ST8SIA6: variants seen among roughly 807,000 people sequenced by gnomAD.
The protein encoded by ST8SIA6 is ST8 alpha-N-acetyl-neuraminide alpha-2,8-sialyltransferase 6.
A neutral mutation model predicts 33.6 loss-of-function variants in ST8SIA6; 39 were observed. The observed-to-expected ratio is 1.16, with a 90% confidence interval of 0.90 to 1.52. The LOEUF (loss-of-function observed/expected upper bound fraction) is 1.52. ST8SIA6 is among the 40% of genes most tolerant of loss of function. The pLI is 0.00. For synonymous variants in ST8SIA6, 172 were observed against 167.2 expected (o/e 1.03, Z -0.22); for missense variants, 441 against 443.8 (o/e 0.99, Z 0.06).
chr10:17,431,040 A>G (rs760968014), intron 2 of ST8SIA6, among the ~76,000 whole-genome samples: 2 of 152,184 alleles, frequency 1.3e-5, no homozygotes, highest in Non-Finnish European at 2.9e-5. Context: ...TGAGCATGTG[A>G]CACTTATGGC....
In ST8SIA6 at chr10:17,367,111, T is replaced by A. The variant is rs118096462; in HGVS notation, c.291-7511A>T. Among the ~76,000 whole-genome samples, 103 of 152,298 alleles carry A rather than the reference T, an allele frequency of 6.8e-4. No individual in the cohort carries two copies. In the East Asian group the frequency reaches 0.011, roughly 16 times the overall value. ...AATCAAGCAGTAGCTCACAGCAAAATACAAAACAGAATTTTCAGTATCTTG... is the reference window on the plus strand; with the variant it reads ...AATCAAGCAGTAGCTCACAGCAAAAAACAAAACAGAATTTTCAGTATCTTG... On this transcript the variant is annotated intron_variant, in intron 3 of 7. Transcript: ENST00000377602.
intron 4 of ST8SIA6, among the ~76,000 whole-genome samples, chr10:17,337,289 A>G (rs530200966): frequency 6.6e-6 from 1 of 152,198 alleles, no homozygotes; most frequent in East Asian, 1.9e-4. Context: ...TTTCCTTATA[A>G]ATTACCCCAT....
At chr10:17,390,135 A>C (rs1167701754) in intron 3 of ST8SIA6, among the ~76,000 whole-genome samples, 1 of 152,072 alleles carries the variant, frequency 6.6e-6, no homozygotes, top group Non-Finnish European at 1.5e-5. Flanking sequence ...GATTACAGGC[A>C]CATGCCACCC....
At chr10:17,438,772 T>G (rs1445856727) in intron 2 of ST8SIA6, among the ~76,000 whole-genome samples, 1 of 152,230 alleles carries the variant, frequency 6.6e-6, no homozygotes, top group Non-Finnish European at 1.5e-5. Flanking sequence ...CGGTATTTAT[T>G]AAAAGCAAAA....
At chr10:17,400,752 A>G (rs1851007939) in intron 2 of ST8SIA6, among the ~76,000 whole-genome samples, 1 of 152,206 alleles carries the variant, frequency 6.6e-6, no homozygotes, top group African/African-American at 2.4e-5. Context: ...AAATATCTCA[A>G]TAAATTAGGT....
chr10:17,413,139 A>T (rs1851505309), intron 2 of ST8SIA6, among the ~76,000 whole-genome samples: 1 of 152,188 alleles, frequency 6.6e-6, no homozygotes, highest in Non-Finnish European at 1.5e-5. Context: ...TCTATCAAAG[A>T]TTGAATGCAT....
At chr10:17,369,041 A>G (rs1196947547) in intron 3 of ST8SIA6, among the ~76,000 whole-genome samples, 1 of 152,214 alleles carries the variant, frequency 6.6e-6, no homozygotes, top group Admixed American at 6.5e-5. Context: ...CTATATTGAA[A>G]CAAAATCCCA....
At position 17,321,356 on chromosome 10, in the gene ST8SIA6, T is replaced by TA. The variant is rs746681940; in HGVS notation, c.729-11dup. On this transcript the variant is annotated splice_polypyrimidine_tract_variant and intron_variant, in intron 7 of 7. Coordinates refer to ENST00000377602, the MANE Select transcript of ST8SIA6 (RefSeq NM_001004470.3). ...CTTTAAGTTCCCATATCTGCCAAATTAAAAAAAAATTATAGTAATCCCAAG... is the reference window on the plus strand; with the variant it reads ...CTTTAAGTTCCCATATCTGCCAAATTAAAAAAAAAATTATAGTAATCCCAAG... 208 of 1,563,086 alleles carry TA rather than the reference T, an allele frequency of 1.3e-4. No individual in the cohort carries two copies. Among genetic ancestry groups the TA allele is most frequent in the South Asian group, 9.7e-4 (81 of 83,546 alleles).
intron 4 of ST8SIA6, among the ~76,000 whole-genome samples, chr10:17,355,667 G>C (rs1253322501): frequency 6.6e-6 from 1 of 152,088 alleles, no homozygotes; most frequent in Non-Finnish European, 1.5e-5. Context: ...TCATTATGCT[G>C]TCCGAATACT....
chr10:17,377,497 C>A (rs10795484), intron 3 of ST8SIA6, among the ~76,000 whole-genome samples: 68,422 of 152,028 alleles, frequency 0.45, 15,895 homozygotes, highest in East Asian at 0.6. Flanking sequence ...CTATGTGCTG[C>A]ACCCTTGTGA....
chr10:17,345,259 C>T (rs1229748335), intron 4 of ST8SIA6, among the ~76,000 whole-genome samples: 1 of 152,178 alleles, frequency 6.6e-6, no homozygotes, highest in Non-Finnish European at 1.5e-5. Context: ...TCAGGTGCTG[C>T]TCTGAGTGGG....
chr10:17,434,983 T>G (rs138335659), intron 2 of ST8SIA6, among the ~76,000 whole-genome samples: 227 of 152,226 alleles, frequency 1.5e-3, no homozygotes, highest in Admixed American at 6.4e-3. Flanking sequence ...CGGCAAGGAC[T>G]CCCATGCTGA....
chr10:17,393,639 C>G (rs1268010512), intron 2 of ST8SIA6, among the ~76,000 whole-genome samples: 1 of 152,296 alleles, frequency 6.6e-6, no homozygotes, highest in East Asian at 1.9e-4. Flanking sequence ...TTCAGCACAC[C>G]TGTGTCCATC....
intron 2 of ST8SIA6, among the ~76,000 whole-genome samples, chr10:17,444,785 G>A (rs543194578): frequency 6.6e-6 from 1 of 152,212 alleles, no homozygotes; most frequent in African/African-American, 2.4e-5. Context: ...AGAAAAGCAA[G>A]TCACATCAGA....
chr10:17,409,829 C>G (rs762696320), intron 2 of ST8SIA6: 7 of 152,694 alleles, frequency 4.6e-5, no homozygotes, highest in African/African-American at 1.7e-4. Context: ...GAGCCAAGAT[C>G]GCGCCATTGC....
chr10:17,452,899 A>T (rs1405347284), intron 2 of ST8SIA6, among the ~76,000 whole-genome samples: 1 of 152,188 alleles, frequency 6.6e-6, no homozygotes, highest in African/African-American at 2.4e-5. Flanking sequence ...TATATAGAAA[A>T]GACTACTGGA....
intron 3 of ST8SIA6, among the ~76,000 whole-genome samples, chr10:17,362,268 A>G (rs1281634861): frequency 6.6e-6 from 1 of 152,244 alleles, no homozygotes; most frequent in Non-Finnish European, 1.5e-5. Context: ...TGATGTATAC[A>G]TATTCCAACA....
intron 4 of ST8SIA6, among the ~76,000 whole-genome samples, chr10:17,344,216 A>G (rs1848764189): frequency 6.6e-6 from 1 of 152,244 alleles, no homozygotes; most frequent in Non-Finnish European, 1.5e-5. Flanking sequence ...GAAAGCCCAC[A>G]CAGTCACTGT....
At chr10:17,376,035 C>T (rs1849907283) in intron 3 of ST8SIA6, among the ~76,000 whole-genome samples, 1 of 152,156 alleles carries the variant, frequency 6.6e-6, no homozygotes, top group Admixed American at 6.5e-5. Context: ...AGCTGCCCAG[C>T]CAGACACTCC....
Sources: gnomAD v4.1 joint callset for allele counts (sites outside exome capture counted in the v4.1 genomes callset) on GRCh38, gnomAD v4.1.1 for gene constraint, MANE v1.5 for transcripts, NCBI Gene and HGNC (gene_info 2026-07-23, HGNC 2026-07-21) for gene names.